Variants in RAB6B observed in about 807,000 individuals in gnomAD.
The protein encoded by RAB6B is RAB6B, member RAS oncogene family.
In RAB6B, 7 loss-of-function variants were observed where a neutral mutation model predicts 31.2. The observed-to-expected ratio is 0.22, with a 90% CI of 0.13 to 0.42. The LOEUF is 0.42. RAB6B is among the 10% of genes least tolerant of loss of function. The pLI is 1.00. For missense variants in RAB6B, 149 were observed against 280.6 expected, an observed-to-expected ratio of 0.53 and a Z score of 3.35; for synonymous variants, 105 against 104.9, an observed-to-expected ratio of 1.00 and a Z score of -0.01.
intron 1 of RAB6B, among the ~76,000 whole-genome samples, chr3:133,879,540 G>C (rs776405230): frequency 2.6e-5 from 4 of 152,222 alleles, no homozygotes; most frequent in Non-Finnish European, 5.9e-5. Flanking sequence ...AGAGATGCAT[G>C]CAAGTACACA....
At chr3:133,851,507 C>T (rs777392384) in intron 2 of RAB6B, among the ~76,000 whole-genome samples, 11 of 152,116 alleles carry the variant, frequency 7.2e-5, no homozygotes, top group African/African-American at 1.9e-4. Context: ...GGAGACAAAA[C>T]GGAACCTGCT....
intron 1 of RAB6B, among the ~76,000 whole-genome samples, chr3:133,888,447 A>G (rs962640871): frequency 6.6e-6 from 1 of 152,160 alleles, no homozygotes; most frequent in Non-Finnish European, 1.5e-5. Flanking sequence ...TTTGCTTTGA[A>G]AGCTCTATTC....
intron 1 of RAB6B, among the ~76,000 whole-genome samples, chr3:133,868,956 G>C (rs1936279346): frequency 6.6e-6 from 1 of 152,200 alleles, no homozygotes; most frequent in South Asian, 2.1e-4. Flanking sequence ...ATTTGAGCCA[G>C]AGTCGATGCC....
intron 1 of RAB6B, among the ~76,000 whole-genome samples, chr3:133,882,530 G>A (rs937619870): frequency 6.6e-6 from 1 of 152,168 alleles, no homozygotes. Flanking sequence ...GGTGAACCGG[G>A]CTGATCACCT....
intron 1 of RAB6B, among the ~76,000 whole-genome samples, chr3:133,873,501 C>T (rs1329810363): frequency 6.6e-6 from 1 of 152,200 alleles, no homozygotes; most frequent in East Asian, 1.9e-4. Flanking sequence ...GAGGCCCCAT[C>T]CTCAGGTACC....
intron 4 of RAB6B, among the ~76,000 whole-genome samples, chr3:133,840,772 G>A (rs1344666109): frequency 6.6e-6 from 1 of 151,392 alleles, no homozygotes; most frequent in Non-Finnish European, 1.5e-5. Context: ...CACCTGCCCT[G>A]GCCTGAAGAG....
At chr3:133,853,230 G>GT (rs1168285710) in intron 2 of RAB6B, among the ~76,000 whole-genome samples, 1 of 152,140 alleles carries the variant, frequency 6.6e-6, no homozygotes, top group Non-Finnish European at 1.5e-5. Context: ...TGGGAAGGTG[G>GT]GTATGAGTGT....
intron 2 of RAB6B, among the ~76,000 whole-genome samples, chr3:133,851,215 A>C (rs1339475429): frequency 6.6e-6 from 1 of 152,226 alleles, no homozygotes; most frequent in Non-Finnish European, 1.5e-5. Flanking sequence ...AATTCTCTGG[A>C]AGAAATTGTG....
chr3:133,877,737 TTA>T (rs956827335), intron 1 of RAB6B, among the ~76,000 whole-genome samples: 53 of 148,780 alleles, frequency 3.6e-4, no homozygotes, highest in Middle Eastern at 3.6e-3. Context: ...GAAATAGTTA[TTA>T]TATATTATAA....
intron 1 of RAB6B, among the ~76,000 whole-genome samples, chr3:133,884,637 G>A (rs1475483483): frequency 6.6e-6 from 1 of 152,218 alleles, no homozygotes; most frequent in African/African-American, 2.4e-5. Flanking sequence ...GGGACAGGAA[G>A]CTGCATAACA....
chr3:133,835,412 G>T (rs950066701), intron 6 of RAB6B, among the ~76,000 whole-genome samples: 2 of 151,744 alleles, frequency 1.3e-5, no homozygotes, highest in Non-Finnish European at 2.9e-5. Flanking sequence ...TAAGTGTGGG[G>T]GGAATGTGTG....
chr3:133,830,891 T>C (rs1337287727), intron 7 of RAB6B, among the ~76,000 whole-genome samples: 1 of 152,134 alleles, frequency 6.6e-6, no homozygotes, highest in Non-Finnish European at 1.5e-5. Flanking sequence ...GACCACTATC[T>C]ATGAGATGCC....
At chr3:133,872,391 G>A (rs1936338443) in intron 1 of RAB6B, among the ~76,000 whole-genome samples, 2 of 152,268 alleles carry the variant, frequency 1.3e-5, no homozygotes, top group South Asian at 2.1e-4. Context: ...CCCTTGGGGT[G>A]AGGCCTGCAC....
chr3:133,877,215 T>A (rs1430973702), intron 1 of RAB6B, among the ~76,000 whole-genome samples: 1 of 152,058 alleles, frequency 6.6e-6, no homozygotes, highest in Non-Finnish European at 1.5e-5. Context: ...GTTCAGAAGA[T>A]GGAATACCAG....
chr3:133,866,248 C>T (rs753236103), intron 1 of RAB6B, among the ~76,000 whole-genome samples: 4 of 152,090 alleles, frequency 2.6e-5, no homozygotes, highest in African/African-American at 9.7e-5. Context: ...CAACTCTGGG[C>T]GGCACTCAAG....
chr3:133,892,249 C>T (rs1309234885), intron 1 of RAB6B, among the ~76,000 whole-genome samples: 1 of 152,144 alleles, frequency 6.6e-6, no homozygotes, highest in African/African-American at 2.4e-5. Context: ...ACCAGGGGGA[C>T]TCCACAGCCT....
intron 2 of RAB6B, among the ~76,000 whole-genome samples, chr3:133,845,331 T>C (rs1935894323): frequency 1.3e-5 from 2 of 152,180 alleles, no homozygotes; most frequent in Non-Finnish European, 1.5e-5. Context: ...AGTACCCTTA[T>C]AAAAGAGGCT....
chr3:133,889,434 A>G (rs1218058583), intron 1 of RAB6B, among the ~76,000 whole-genome samples: 2 of 65,242 alleles, frequency 3.1e-5, no homozygotes, highest in South Asian at 5.1e-4. Context: ...ATATATATAT[A>G]TATATATATA....
At chr3:133,841,572 C>G (rs1935831534) in intron 3 of RAB6B, 38 bp downstream of exon 3, 1 of 1,609,356 alleles carries the variant, frequency 6.2e-7, no homozygotes. Context: ...CCAAAGGAAC[C>G]CTCCCTGCCC....
Sources: gnomAD v4.1 joint callset for allele counts (sites outside exome capture counted in the v4.1 genomes callset) on GRCh38, gnomAD v4.1.1 for gene constraint, MANE v1.5 for transcripts, NCBI Gene and HGNC (gene_info 2026-07-23, HGNC 2026-07-21) for gene names.